Variants in CFAP74 observed in about 807,000 individuals in gnomAD.
CFAP74 encodes cilia and flagella associated protein 74, also known as cilia- and flagella-associated protein 74.
Under a neutral mutation model 188.9 loss-of-function variants are expected in CFAP74, and 124 were observed. The ratio of observed to expected loss-of-function variants is 0.66; its 90% CI spans 0.57 to 0.76. The LOEUF is 0.76. Among genes scored for constraint, CFAP74 ranks in the 30% least tolerant of loss-of-function variants. CFAP74 has a pLI of 0.00. For missense variants in CFAP74, 2,198 were observed against 2,165.2 expected (o/e 1.02, Z -0.30); for synonymous variants, 956 against 916.7 (o/e 1.04, Z -0.77).
intron 1 of CFAP74, 94 bp from the exon 2 acceptor site, chr1:1,991,069 C>G (rs1657538878): frequency 1.3e-6 from 1 of 793,678 alleles, no homozygotes; most frequent in African/African-American, 1.8e-5. Flanking sequence ...ATTAAGAAAA[C>G]AAACGACAGA....
At chr1:1,956,545 C>G in intron 17 of CFAP74, 75 bp downstream of exon 17, 1 of 1,571,736 alleles carries the variant, frequency 6.4e-7, no homozygotes, top group Non-Finnish European at 8.7e-7. Flanking sequence ...CATGTTGTCA[C>G]CTCTGTTCAC....
At chr1:1,960,065 T>G in intron 14 of CFAP74, 35 bp from the exon 15 acceptor site, 655 of 1,568,646 alleles carry the variant, frequency 4.2e-4, no homozygotes, top group Non-Finnish European at 5.2e-4. Context: ...CGGGGGTTAG[T>G]GCTGCGGAGG....
In CFAP74 at chr1:1,925,941, A is replaced by G; in HGVS notation, c.3949-3T>C. ...ATGATGTCCAGTGTTTCTTGAGCCT[A>G]AAGAGACCACATCGCTCAGCCAGGA... is the stretch of plus-strand genomic sequence containing the variant. On this transcript the variant is annotated splice_polypyrimidine_tract_variant and splice_region_variant and intron_variant, in intron 32 of 38. Transcript: ENST00000682832. The G allele has an allele frequency of 8.7e-6, 14 of 1,601,522 alleles. No individual in the cohort carries two copies. The highest frequency in any genetic ancestry group is 1.1e-5 in the Non-Finnish European group (13 of 1,174,436).
Position 1,925,804 on chromosome 1 carries a change from C to A in CFAP74, c.4083G>T (p.Glu1361Asp), listed in dbSNP as rs370923339. The change falls in exon 33 of 39, where the codon GAG becomes GAT. Residue 1361 changes from glutamate (E) to aspartate (D), a missense_variant. Physicochemically the swap from Glu to Asp is conservative, Grantham distance 45. Transcript: ENST00000682832. ...TCACCTTGAAGCCTGAGGACACAGA[C>A]TCTCCGGCAATCACATAGCCCATGT... ...VLNMGYVIAGESVSSGFKLQN... is the reference protein window; with the variant it reads ...VLNMGYVIAGDSVSSGFKLQN... 1 of 1,612,432 alleles carries A rather than the reference C, an allele frequency of 6.2e-7. No individual in the cohort carries two copies. The highest frequency in any genetic ancestry group is 1.3e-5 in the African/African-American group (1 of 74,928).
At chr1:1,927,069 A>G (rs1401329560) in intron 28 of CFAP74, 41 bp from the exon 29 acceptor site, 4 of 1,548,798 alleles carry the variant, frequency 2.6e-6, no homozygotes, top group African/African-American at 1.4e-5. Context: ...CCTTGCCCCC[A>G]CCCACCATCG....
rs538133653 is a variant in CFAP74 at position 1,989,014 on chromosome 1, A to G, written c.68-41T>C. ...AGAGTTTAAAAAAAAAAAAAAGCAG[A>G]TCAAACATTTGCATCTGAAGTTTTA... On this transcript the variant is annotated intron_variant, in intron 2 of 38. Coordinates refer to ENST00000682832, the MANE Select transcript of CFAP74 (RefSeq NM_001304360.2). 177 of 1,044,866 alleles carry G rather than the reference A, an allele frequency of 1.7e-4. 4 individuals carry two copies. The South Asian group carries it at 2.2e-3, about 13-fold the overall frequency. The allele number at this position is 1,044,866 out of a possible 1,614,324, so 64.7% of individuals were successfully genotyped here.
intron 18 of CFAP74, chr1:1,954,785 A>G: frequency 3.2e-5 from 35 of 1,104,898 alleles, no homozygotes; most frequent in Non-Finnish European, 3.9e-5. Flanking sequence ...TCTCAACATA[A>G]AAAGAACTCA....
intron 17 of CFAP74, 91 bp from the exon 18 acceptor site, chr1:1,955,941 T>C: frequency 6.7e-7 from 1 of 1,495,194 alleles, no homozygotes; most frequent in Admixed American, 2.1e-5. Context: ...CAGGCCGTGT[T>C]GGGGGCTGGA....
intron 16 of CFAP74, among the ~76,000 whole-genome samples, chr1:1,957,775 G>T (rs893450009): frequency 2.7e-5 from 3 of 111,146 alleles, no homozygotes; most frequent in South Asian, 3.3e-4. Context: ...GCGGGGGGGC[G>T]GGGGACTTCC....
intron 19 of CFAP74, 56 bp from the exon 20 acceptor site, chr1:1,946,495 T>G (rs1653786330): frequency 6.8e-7 from 1 of 1,474,174 alleles, no homozygotes. Context: ...TTAAGATCCC[T>G]TCCCAACCCT....
intron 18 of CFAP74, chr1:1,953,262 A>G (rs1654312009): frequency 6.6e-6 from 1 of 151,672 alleles, no homozygotes; most frequent in South Asian, 2.1e-4. Flanking sequence ...GGCGAGAACT[A>G]TATAAGCTCA....
chr1:1,963,720 G>C, intron 14 of CFAP74, 29 bp downstream of exon 14: 9 of 1,442,076 alleles, frequency 6.2e-6, no homozygotes, highest in Non-Finnish European at 8.8e-6. Context: ...CCTGCACCGC[G>C]TCCCTCCCTG....
intron 14 of CFAP74, among the ~76,000 whole-genome samples, chr1:1,963,483 AG>A (rs1655240701): frequency 3.5e-5 from 5 of 143,776 alleles, no homozygotes; most frequent in South Asian, 2.2e-4. Context: ...AAAAAAAAAA[AG>A]GCAGCAAAAC....
At chr1:1,964,019 C>G (rs749539911) in intron 13 of CFAP74, 152 bp from the exon 14 acceptor site, 2 of 664,768 alleles carry the variant, frequency 3.0e-6, no homozygotes, top group African/African-American at 1.8e-5. Context: ...CTCCCAGAAT[C>G]GAGAAGGCCC....
chr1:1,981,155 G>A (rs115965341), intron 6 of CFAP74, among the ~76,000 whole-genome samples: 1,943 of 152,322 alleles, frequency 0.013, 36 homozygotes, highest in African/African-American at 0.045. Context: ...GGGCTCTACC[G>A]CTGGAAGCCC....
intron 1 of CFAP74, among the ~76,000 whole-genome samples, chr1:2,002,634 C>CA (rs1445416850): frequency 6.6e-6 from 1 of 150,602 alleles, no homozygotes; most frequent in Non-Finnish European, 1.5e-5. Context: ...CGCCCTGCTG[C>CA]ATTCCAACCT....
chr1:1,945,827 CAAAA>C (rs1161813880), intron 20 of CFAP74, among the ~76,000 whole-genome samples: 7 of 82,030 alleles, frequency 8.5e-5, no homozygotes, highest in African/African-American at 1.6e-4. Flanking sequence ...GACCCTAACT[CAAAA>C]AAAAAAAAAA....
chr1:1,982,325 C>T (rs28523375), intron 6 of CFAP74, among the ~76,000 whole-genome samples: 27,366 of 124,366 alleles, frequency 0.22, 1,777 homozygotes, highest in African/African-American at 0.4. Context: ...TGGTCACACG[C>T]GGGGACACGC....
rs1653815631 is a variant in CFAP74, at chr1:1,946,973, G to A, written c.2241+17C>T. On this transcript the variant is annotated intron_variant, in intron 19 of 38. Coordinates refer to ENST00000682832, the MANE Select transcript of CFAP74 (RefSeq NM_001304360.2). ...TCTTGGATCGTGGCAGCTATTTTAG[G>A]GCCTGAGCTGGCTGACCTCCCCCAG... The A allele has an allele frequency of 6.5e-7, 1 of 1,530,090 alleles. No homozygotes were observed. The highest frequency in any genetic ancestry group is 8.8e-7 in the Non-Finnish European group (1 of 1,141,540). 94.8% of individuals were successfully genotyped at this position (1,530,090 alleles called of 1,614,324 possible).
Sources: allele counts gnomAD v4.1 joint callset (sites outside exome capture counted in the v4.1 genomes callset), GRCh38; gene constraint gnomAD v4.1.1; transcripts MANE v1.5; gene names NCBI Gene and HGNC (gene_info 2026-07-23, HGNC 2026-07-21).